The following GRK2 variants were observed in gnomAD, a reference collection of about 807,000 sequenced individuals.
GRK2 encodes adrenergic beta receptor kinase 1.
Under a neutral mutation model 97.8 loss-of-function variants are expected in GRK2, and 23 were observed. That is an observed-to-expected ratio of 0.24 (90% CI 0.17 to 0.33). The LOEUF (loss-of-function observed/expected upper bound fraction) is 0.33. Ranked by LOEUF, GRK2 falls within the 10% of genes least tolerant of loss-of-function variation. GRK2 has a pLI of 1.00. For synonymous variants in GRK2, 425 were observed against 381.7 expected (o/e 1.11, Z -1.32); for missense variants, 633 against 956.9 (o/e 0.66, Z 4.47).
rs149033514 is a variant in GRK2 at position 67,276,090 on chromosome 11, C to T, written c.114-1182C>T. On this transcript the variant is annotated intron_variant, in intron 1 of 20. Transcript: ENST00000308595. The surrounding 1 kb of genome is among the most constrained non-coding windows in gnomAD (Gnocchi z 4.2). ...GGCAAGCACAGAGAACCTGGACTTG[C>T]GGATCCAAATCTCCACCAGCTGCAG... Among the ~76,000 whole-genome samples, 179 of 152,308 alleles carry T rather than the reference C, an allele frequency of 1.2e-3. 2 individuals are homozygous for T. In the East Asian group the frequency reaches 0.031, roughly 26 times the overall value.
At chr11:67,277,843 G>A (rs1029068734) in intron 2 of GRK2, among the ~76,000 whole-genome samples, 17 of 152,328 alleles carry the variant, frequency 1.1e-4, no homozygotes, top group South Asian at 4.1e-4. Flanking sequence ...CCCACCCTGC[G>A]GACCTGGCCC....
At chr11:67,278,333 C>T (rs1412153879) in intron 2 of GRK2, among the ~76,000 whole-genome samples, 1 of 152,180 alleles carries the variant, frequency 6.6e-6, no homozygotes, top group Admixed American at 6.5e-5. Flanking sequence ...CTGAGGAGGG[C>T]CTCTGTCCCC....
At chr11:67,283,616 C>G (rs950221556) in intron 15 of GRK2, 91 bp from the exon 16 acceptor site, 1 of 1,325,074 alleles carries the variant, frequency 7.5e-7, no homozygotes, top group African/African-American at 1.5e-5. Flanking sequence ...GGAACTTGCC[C>G]AAGTTCACAG....
chr11:67,279,083 C>T (rs1367683517), intron 2 of GRK2, 117 bp from the exon 3 acceptor site: 7 of 836,486 alleles, frequency 8.4e-6, no homozygotes, highest in Non-Finnish European at 1.2e-5. Context: ...GGGGCCGAGA[C>T]CACCTTTGCC....
At position 67,286,227 on chromosome 11, in the gene GRK2, C is replaced by T. The variant is rs750184188; in HGVS notation, c.*777C>T. 15 of 576,916 alleles carry T rather than the reference C, an allele frequency of 2.6e-5. No individual in the cohort carries two copies. The highest frequency in any genetic ancestry group is 4.0e-5 in the Non-Finnish European group (13 of 326,190). The allele number at this position is 576,916 out of a possible 1,614,324, so 35.7% of individuals were successfully genotyped here. A position where few individuals can be genotyped will look rare whatever the true frequency, so the allele number is the denominator to read the frequency against. The stretch of plus-strand genomic sequence containing the variant: ...TGGGTGCGACCCCATCTGCCCAGGA[C>T]GGGGCCGGCCAGGTGGGCGGGCAGC... On this transcript the variant is annotated 3_prime_UTR_variant, in exon 21 of 21. Transcript: ENST00000308595.
Position 67,285,177 on chromosome 11 carries a change from T to C in GRK2, c.1894T>C (p.Leu632=). 7 of 1,613,520 alleles carry C rather than the reference T, an allele frequency of 4.3e-6. No homozygotes were observed. Among genetic ancestry groups the C allele is most frequent in the Non-Finnish European group, 5.1e-6 (6 of 1,179,928 alleles). The change falls in exon 20 of 21, where the codon TTG becomes CTG. Residue 632 remains leucine (L), a synonymous_variant. Coordinates refer to ENST00000308595, the MANE Select transcript of GRK2 (RefSeq NM_001619.5). ...LKIRGGKQFI[L]QCDSDPELVQ... is the part of the protein sequence containing the mutation. The stretch of plus-strand genomic sequence containing the variant: ...GATCCGCGGTGGGAAACAGTTCATT[T>C]TGCAGTGCGATGTGAGTGGGGGCTG...
rs3730143 is a variant in GRK2, at chr11:67,281,771, G to A, written c.826+43G>A. 8.0e-3 allele frequency: 12,952 copies of A among 1,613,544 alleles called. 99 individuals are homozygous for A. The highest frequency in any genetic ancestry group is 0.017 in the Middle Eastern group (102 of 6,062). Reference sequence around the variant, plus strand: ...CCTAGGGTGGGCCGGGCCCAGGCACGGGAGGCTGGGGCAAGACACTGAGTG... The same window carrying A: ...CCTAGGGTGGGCCGGGCCCAGGCACAGGAGGCTGGGGCAAGACACTGAGTG... On this transcript the variant is annotated intron_variant, in intron 10 of 20. Coordinates refer to ENST00000308595, the MANE Select transcript of GRK2 (RefSeq NM_001619.5). This position sits in a 1 kb window ranked among gnomAD's most constrained non-coding sequence, Gnocchi z 5.7.
chr11:67,281,584 C>T lies in GRK2; in HGVS notation c.747+26C>T. On this transcript the variant is annotated intron_variant, in intron 9 of 20. Transcript: ENST00000308595. This position sits in a 1 kb window ranked among gnomAD's most constrained non-coding sequence, Gnocchi z 5.7. ...GTGAGCTGGGTGGGCCGGGCTGCCG[C>T]TGAGGCTCTGGAACCCCGGGCGCCC... The T allele has an allele frequency of 1.2e-6, 2 of 1,612,182 alleles. No homozygotes were observed. The highest frequency in any genetic ancestry group is 8.5e-7 in the Non-Finnish European group (1 of 1,178,944).
intron 5 of GRK2, 27 bp downstream of exon 5, chr11:67,279,727 G>A (rs1185713061): frequency 6.2e-7 from 1 of 1,613,638 alleles, no homozygotes; most frequent in South Asian, 1.1e-5. Context: ...CCCTCCCCAG[G>A]CAAGGTCACC....
chr11:67,282,649 G>C lies in GRK2; in HGVS notation c.1161-103G>C. 6.4e-7 allele frequency: 1 copy of C among 1,555,600 alleles called. No homozygotes were observed. Among genetic ancestry groups the C allele is most frequent in the Non-Finnish European group, 8.8e-7 (1 of 1,135,438 alleles). On this transcript the variant is annotated intron_variant, in intron 13 of 20. Coordinates refer to ENST00000308595, the MANE Select transcript of GRK2 (RefSeq NM_001619.5). The surrounding 1 kb of genome is among the most constrained non-coding windows in gnomAD (Gnocchi z 6.9). ...GGAGCCCATAGCTGCCTTGGTGGTA[G>C]GGTTGGCACCGTCCCTGACTTTGGC...
rs1052386523 is a variant in GRK2 at position 67,284,899 on chromosome 11, C to A, written c.1707C>A (p.Gly569=). 3.1e-6 allele frequency: 5 copies of A among 1,613,396 alleles called. No individual in the cohort carries two copies. In the Admixed American group the frequency reaches 6.7e-5, roughly 22 times the overall value. Residue 569 remains glycine, a synonymous_variant, in exon 19 of 21, where the codon GGC becomes GGA. Coordinates refer to ENST00000308595, the MANE Select transcript of GRK2 (RefSeq NM_001619.5). ...TGCATGGCTACATGTCCAAGATGGG[C>A]AACCCCTTCCTGACCCAGTGGCAGC... The part of the protein sequence containing the change: ...CIMHGYMSKM[G]NPFLTQWQRR...
Position 67,282,654 on chromosome 11 carries a change from G to A in GRK2, c.1161-98G>A. ...CCATAGCTGCCTTGGTGGTAGGGTT[G>A]GCACCGTCCCTGACTTTGGCCACAG... On this transcript the variant is annotated intron_variant, in intron 13 of 20. Transcript: ENST00000308595. The surrounding 1 kb of genome is among the most constrained non-coding windows in gnomAD (Gnocchi z 6.9). 2 of 1,558,260 alleles carry A rather than the reference G, an allele frequency of 1.3e-6. No individual in the cohort carries two copies. Among genetic ancestry groups the A allele is most frequent in the Non-Finnish European group, 1.8e-6 (2 of 1,137,854 alleles).
intron 6 of GRK2, 80 bp from the exon 7 acceptor site, chr11:67,280,652 C>A: frequency 6.6e-7 from 1 of 1,516,830 alleles, no homozygotes; most frequent in Non-Finnish European, 9.1e-7. Flanking sequence ...CAGGGAGTGG[C>A]GGCTGGGTGG....
chr11:67,282,911 G>T lies in GRK2; in HGVS notation c.1227+93G>T, dbSNP rs1358180366. The T allele has an allele frequency of 7.1e-7, 1 of 1,403,144 alleles. No homozygotes were observed. The highest frequency in any genetic ancestry group is 9.8e-7 in the Non-Finnish European group (1 of 1,021,752). The allele number at this position is 1,403,144 out of a possible 1,614,324, so 86.9% of individuals were successfully genotyped here. ...CTCTTGCTTCCCACCAGCCAGCAGA[G>T]ATCTGGGCCACTGACCCCTACTCTG... is the stretch of plus-strand genomic sequence containing the variant. On this transcript the variant is annotated intron_variant, in intron 14 of 20. Coordinates refer to ENST00000308595, the MANE Select transcript of GRK2 (RefSeq NM_001619.5). The surrounding 1 kb of genome is among the most constrained non-coding windows in gnomAD (Gnocchi z 6.9).
At position 67,272,776 on chromosome 11, in the gene GRK2, C is replaced by T. The variant is rs61759814; in HGVS notation, c.114-4496C>T. 3.0e-3 allele frequency among the ~76,000 whole-genome samples: 451 copies of T among 152,374 alleles called. 2 individuals carry two copies. The highest frequency in any genetic ancestry group is 4.7e-3 in the Non-Finnish European group (322 of 68,042). ...CAGGGCAAGCCACGGGCTCTACCCA[C>T]TGGGCCCGCAGTAGAGCAATGCAGT... On this transcript the variant is annotated intron_variant, in intron 1 of 20. Transcript: ENST00000308595.
At position 67,281,299 on chromosome 11, in the gene GRK2, G is replaced by A. The variant is rs942427374; in HGVS notation, c.647+115G>A. ...CTGCTCCATGCACTCCTGTCTTGCCGTGCTGTTACCCCCGCAGGCTCCTCT... is the reference window on the plus strand; with the variant it reads ...CTGCTCCATGCACTCCTGTCTTGCCATGCTGTTACCCCCGCAGGCTCCTCT... On this transcript the variant is annotated intron_variant, in intron 8 of 20. Coordinates refer to ENST00000308595, the MANE Select transcript of GRK2 (RefSeq NM_001619.5). This position sits in a 1 kb window ranked among gnomAD's most constrained non-coding sequence, Gnocchi z 5.7. 10 of 1,111,730 alleles carry A rather than the reference G, an allele frequency of 9.0e-6. No homozygotes were observed. The highest frequency in any genetic ancestry group is 1.5e-5 in the African/African-American group (1 of 64,632). 68.9% of individuals were successfully genotyped at this position (1,111,730 alleles called of 1,614,324 possible).
chr11:67,267,525 C>G (rs1018884200), intron 1 of GRK2, among the ~76,000 whole-genome samples: 2 of 152,204 alleles, frequency 1.3e-5, no homozygotes, highest in Non-Finnish European at 2.9e-5. Context: ...GTGCCCTCTC[C>G]CCTACATTTC....
chr11:67,268,721 C>T (rs903908931), intron 1 of GRK2, among the ~76,000 whole-genome samples: 3 of 152,234 alleles, frequency 2.0e-5, no homozygotes, highest in Non-Finnish European at 4.4e-5. Context: ...GTCCCCTTTC[C>T]CATCCATGGT....
rs913589231 is a variant in GRK2 at position 67,285,465 on chromosome 11, T to G, written c.*15T>G. On this transcript the variant is annotated 3_prime_UTR_variant, in exon 21 of 21. Coordinates refer to ENST00000308595, the MANE Select transcript of GRK2 (RefSeq NM_001619.5). ...ACGGCCTCTGACCCGCCCACCCGCC[T>G]TTTATAAACCTCTAATTTATTTTGT... 1 of 1,524,056 alleles carries G rather than the reference T, an allele frequency of 6.6e-7. No individual in the cohort carries two copies. Among genetic ancestry groups the G allele is most frequent in the Non-Finnish European group, 8.8e-7 (1 of 1,138,246 alleles). 94.4% of individuals were successfully genotyped at this position (1,524,056 alleles called of 1,614,324 possible). A position where few individuals can be genotyped will look rare whatever the true frequency, so the allele number is the denominator to read the frequency against.
Sources: allele counts gnomAD v4.1 joint callset (sites outside exome capture counted in the v4.1 genomes callset), GRCh38; gene constraint gnomAD v4.1.1; non-coding constraint Gnocchi (gnomAD v3.1); transcripts MANE v1.5; gene names NCBI Gene and HGNC (gene_info 2026-07-23, HGNC 2026-07-21).